The following CCDC91 variants were observed in gnomAD, a reference collection of about 807,000 sequenced individuals.
CCDC91 encodes the protein coiled-coil domain-containing protein 91.
In CCDC91, 48 loss-of-function variants were observed where a neutral mutation model predicts 63.2. The observed-to-expected ratio is 0.76, with a 90% CI of 0.60 to 0.97. CCDC91 has a LOEUF of 0.97. CCDC91 is among the 50% of genes least tolerant of loss of function. The pLI is 0.00. For missense variants in CCDC91, 500 were observed against 494.6 expected (o/e 1.01, Z -0.10); for synonymous variants, 167 against 165.8 (o/e 1.01, Z -0.06).
At chr12:28,416,070 G>A (rs1753818533) in intron 8 of CCDC91, among the ~76,000 whole-genome samples, 1 of 151,876 alleles carries the variant, frequency 6.6e-6, no homozygotes, top group Non-Finnish European at 1.5e-5. Flanking sequence ...TGAGGAGTCA[G>A]CACCTAGACA....
chr12:28,208,634 T>TGA (rs1943017789), intron 1 of CCDC91, among the ~76,000 whole-genome samples: 1 of 152,180 alleles, frequency 6.6e-6, no homozygotes, highest in East Asian at 1.9e-4. Flanking sequence ...TGAAATAGAA[T>TGA]CCAGGTTACT....
intron 7 of CCDC91, among the ~76,000 whole-genome samples, chr12:28,364,999 A>G (rs1398853405): frequency 1.3e-5 from 2 of 152,206 alleles, no homozygotes; most frequent in East Asian, 3.8e-4. Flanking sequence ...TCAACAAGTC[A>G]TATGATTAAT....
intron 3 of CCDC91, among the ~76,000 whole-genome samples, chr12:28,289,689 T>TTC (rs1555175701): frequency 9.5e-5 from 8 of 84,028 alleles, no homozygotes; most frequent in African/African-American, 2.6e-4. Flanking sequence ...TCTTTTCTTT[T>TTC]TTTTTTTTTT....
At chr12:28,307,820 G>T in intron 6 of CCDC91, 71 bp downstream of exon 6, 1 of 786,890 alleles carries the variant, frequency 1.3e-6, no homozygotes, top group Non-Finnish European at 2.2e-6. Context: ...TTCAAAAAGT[G>T]CATAATGAAT....
At chr12:28,507,176 T>C (rs7955794) in intron 12 of CCDC91, among the ~76,000 whole-genome samples, 11 of 152,012 alleles carry the variant, frequency 7.2e-5, no homozygotes, top group Admixed American at 5.9e-4. Flanking sequence ...AAACTTCCAG[T>C]GTTCTCCAGT....
intron 1 of CCDC91, among the ~76,000 whole-genome samples, chr12:28,223,323 T>G (rs577761734): frequency 6.6e-6 from 1 of 152,292 alleles, no homozygotes; most frequent in African/African-American, 2.4e-5. Context: ...AGGTAAACTT[T>G]CTGTTTTCTG....
intron 8 of CCDC91, among the ~76,000 whole-genome samples, chr12:28,414,876 A>G (rs551044037): frequency 6.6e-6 from 1 of 152,296 alleles, no homozygotes; most frequent in South Asian, 2.1e-4. Flanking sequence ...TCATACACAA[A>G]TGAGATACTC....
intron 12 of CCDC91, among the ~76,000 whole-genome samples, chr12:28,495,235 C>A (rs1039650501): frequency 4.4e-4 from 67 of 151,850 alleles, no homozygotes; most frequent in African/African-American, 1.4e-3. Flanking sequence ...ACTCAAAAAA[C>A]CGTGGGCATG....
intron 11 of CCDC91, among the ~76,000 whole-genome samples, chr12:28,461,469 A>G (rs1950308459): frequency 6.6e-6 from 1 of 152,062 alleles, no homozygotes; most frequent in African/African-American, 2.4e-5. Context: ...TTAATTCTAA[A>G]AAGTTCTTTT....
intron 11 of CCDC91, among the ~76,000 whole-genome samples, chr12:28,458,702 C>T (rs1950173384): frequency 6.6e-6 from 1 of 151,888 alleles, no homozygotes. Flanking sequence ...TGGTCTCAAA[C>T]TACTGACCTT....
intron 8 of CCDC91, among the ~76,000 whole-genome samples, chr12:28,412,094 G>A (rs1254083025): frequency 6.6e-6 from 1 of 152,122 alleles, no homozygotes. Flanking sequence ...GTAACATGCT[G>A]TACATGTTTG....
At chr12:28,483,319 G>C (rs1202651474) in intron 11 of CCDC91, among the ~76,000 whole-genome samples, 2 of 151,974 alleles carry the variant, frequency 1.3e-5, no homozygotes, top group Admixed American at 1.3e-4. Context: ...CCTATAGATG[G>C]GAATGAAAAG....
intron 8 of CCDC91, among the ~76,000 whole-genome samples, chr12:28,440,903 C>T (rs1949153836): frequency 6.7e-6 from 1 of 149,602 alleles, no homozygotes; most frequent in African/African-American, 2.5e-5. Context: ...TACTAAAATA[C>T]AAAAATTAGC....
intron 7 of CCDC91, among the ~76,000 whole-genome samples, chr12:28,364,667 C>A (rs897011064): frequency 1.3e-5 from 2 of 152,012 alleles, no homozygotes; most frequent in South Asian, 4.1e-4. Flanking sequence ...AATAACAGTA[C>A]AACGGTAAAA....
intron 6 of CCDC91, among the ~76,000 whole-genome samples, chr12:28,313,766 C>G (rs1398744009): frequency 6.6e-6 from 1 of 151,936 alleles, no homozygotes; most frequent in Non-Finnish European, 1.5e-5. Flanking sequence ...TGTAGCCTAA[C>G]CAGAGGAAGA....
intron 1 of CCDC91, among the ~76,000 whole-genome samples, chr12:28,219,582 C>A (rs1236519718): frequency 6.8e-6 from 1 of 148,096 alleles, no homozygotes; most frequent in Non-Finnish European, 1.5e-5. Flanking sequence ...TGCCATTCTT[C>A]TGCCTCAGCC....
chr12:28,343,974 A>G (rs1322637280), intron 6 of CCDC91, among the ~76,000 whole-genome samples: 1 of 152,166 alleles, frequency 6.6e-6, no homozygotes, highest in African/African-American at 2.4e-5. Context: ...AGAGAAAAAT[A>G]GCATCTGAAA....
intron 11 of CCDC91, among the ~76,000 whole-genome samples, chr12:28,463,610 A>G (rs1566014006): frequency 6.6e-6 from 1 of 152,190 alleles, no homozygotes; most frequent in Non-Finnish European, 1.5e-5. Context: ...TTTAAGGGGA[A>G]GACTGAACCT....
At chr12:28,371,984 G>C (rs1384132449) in intron 7 of CCDC91, among the ~76,000 whole-genome samples, 1 of 152,180 alleles carries the variant, frequency 6.6e-6, no homozygotes, top group African/African-American at 2.4e-5. Flanking sequence ...TTAGATTTAA[G>C]TCTTTAATTC....
Sources: allele counts gnomAD v4.1 joint callset (sites outside exome capture counted in the v4.1 genomes callset), GRCh38; gene constraint gnomAD v4.1.1; transcripts MANE v1.5; gene names NCBI Gene and HGNC (gene_info 2026-07-23, HGNC 2026-07-21).